RGS20: variants seen among roughly 807,000 people sequenced by gnomAD.
RGS20 encodes regulator of G protein signaling 20.
RGS20 carries 30 observed loss-of-function variants against 33.6 expected under a neutral mutation model. The ratio of observed to expected loss-of-function variants is 0.89; its 90% CI spans 0.67 to 1.21. RGS20 has a LOEUF of 1.21. RGS20 is among the 50% of genes most tolerant of loss of function. RGS20 has a pLI of 0.00. For missense variants in RGS20, 472 were observed against 502.4 expected, an observed-to-expected ratio of 0.94 and a Z score of 0.58; for synonymous variants, 208 against 197.9, an observed-to-expected ratio of 1.05 and a Z score of -0.43.
At chr8:53,857,451 C>A (rs1811702453) in intron 1 of RGS20, among the ~76,000 whole-genome samples, 1 of 152,102 alleles carries the variant, frequency 6.6e-6, no homozygotes, top group Admixed American at 6.6e-5. Flanking sequence ...TATTCAGCCT[C>A]TAAGCTCACA....
At chr8:53,943,520 C>T (rs1352178889) in intron 3 of RGS20, among the ~76,000 whole-genome samples, 6 of 152,124 alleles carry the variant, frequency 3.9e-5, no homozygotes, top group African/African-American at 1.4e-4. Flanking sequence ...TCCTAAAACA[C>T]AGCGAGCAAC....
chr8:53,921,966 G>A (rs1024445474), intron 2 of RGS20, among the ~76,000 whole-genome samples: 1 of 152,128 alleles, frequency 6.6e-6, no homozygotes, highest in Non-Finnish European at 1.5e-5. Context: ...AGAAGAATAT[G>A]TATTCCACTG....
intron 2 of RGS20, among the ~76,000 whole-genome samples, chr8:53,900,582 C>T (rs1251943597): frequency 6.6e-6 from 1 of 152,158 alleles, no homozygotes; most frequent in Non-Finnish European, 1.5e-5. Context: ...AAATAAGGCA[C>T]CAGAGTAGCA....
At chr8:53,946,966 T>A (rs1362946645) in intron 4 of RGS20, among the ~76,000 whole-genome samples, 2 of 151,438 alleles carry the variant, frequency 1.3e-5, no homozygotes, top group African/African-American at 4.8e-5. Context: ...CTAATCCCTT[T>A]GCTAATTGCA....
At chr8:53,919,517 T>C (rs1193384118) in intron 2 of RGS20, among the ~76,000 whole-genome samples, 1 of 152,086 alleles carries the variant, frequency 6.6e-6, no homozygotes, top group Non-Finnish European at 1.5e-5. Context: ...TATTTTTGTA[T>C]ATTTTTTTTG....
At chr8:53,910,331 A>G (rs1813317166) in intron 2 of RGS20, among the ~76,000 whole-genome samples, 2 of 152,158 alleles carry the variant, frequency 1.3e-5, no homozygotes, top group South Asian at 4.1e-4. Flanking sequence ...AGCAGATAAT[A>G]CATGAAAAGA....
In RGS20 at chr8:53,939,660, G is replaced by A. The variant is rs145171609; in HGVS notation, c.595G>A (p.Gly199Arg). 768 of 1,588,804 alleles carry A rather than the reference G, an allele frequency of 4.8e-4. 1 individual carries two copies. The highest frequency in any genetic ancestry group is 2.7e-3 in the Middle Eastern group (16 of 6,034). The change falls in exon 3 of 6, where the codon GGA becomes AGA. Residue 199 changes from glycine to arginine, a missense_variant. Physicochemically the swap from Gly to Arg is moderately radical, Grantham distance 125 (BLOSUM62 -2). Transcript: ENST00000297313. ...ACCAGGCGCCGCCCCAGGCCAGCCC[G>A]GAGCGGGGAGTCGCGGGTCCAACGC...
chr8:53,865,822 G>A (rs1032467139), intron 1 of RGS20, among the ~76,000 whole-genome samples: 3 of 152,128 alleles, frequency 2.0e-5, no homozygotes, highest in African/African-American at 7.2e-5. Flanking sequence ...TGGCCAGGCT[G>A]GTCTTGAACT....
At chr8:53,904,223 A>C (rs2129281624) in intron 2 of RGS20, among the ~76,000 whole-genome samples, 1 of 151,794 alleles carries the variant, frequency 6.6e-6, no homozygotes, top group East Asian at 1.9e-4. Context: ...CCCAGGTTCA[A>C]GTGATTCTCC....
intron 2 of RGS20, chr8:53,913,485 A>C (rs1436073681): frequency 6.6e-6 from 1 of 152,030 alleles, no homozygotes; most frequent in Admixed American, 6.6e-5. Flanking sequence ...ATATCACCTT[A>C]TTTGGAAACA....
At chr8:53,951,368 AG>A (rs1413903813) in intron 4 of RGS20, among the ~76,000 whole-genome samples, 1 of 152,162 alleles carries the variant, frequency 6.6e-6, no homozygotes, top group African/African-American at 2.4e-5. Flanking sequence ...GCGTGCCTGC[AG>A]TCCCAGCTGC....
At chr8:53,911,781 A>G (rs559852578) in intron 2 of RGS20, among the ~76,000 whole-genome samples, 28 of 152,190 alleles carry the variant, frequency 1.8e-4, no homozygotes, top group African/African-American at 6.7e-4. Context: ...TCTACTAAAA[A>G]TACAAAAAAA....
Position 53,911,016 on chromosome 8 carries a change from G to T in RGS20, c.511-28560G>T, listed in dbSNP as rs535282671. Among the ~76,000 whole-genome samples the T allele has an allele frequency of 1.9e-4, 29 of 152,256 alleles. No homozygotes were observed. In the South Asian group the frequency reaches 5.8e-3, roughly 30 times the overall value. On this transcript the variant is annotated intron_variant, in intron 2 of 5. Transcript: ENST00000297313. The stretch of plus-strand genomic sequence containing the variant: ...GAAATTAAAAATAAACTTTAAAAAG[G>T]CTGTGGATAAAAAATCTGAGCTGCA...
At chr8:53,905,986 T>C (rs942632481) in intron 2 of RGS20, among the ~76,000 whole-genome samples, 1 of 152,204 alleles carries the variant, frequency 6.6e-6, no homozygotes, top group Non-Finnish European at 1.5e-5. Context: ...CTCCCGTTCA[T>C]TCGACTTCCA....
At chr8:53,859,381 T>C (rs1449601264) in intron 1 of RGS20, among the ~76,000 whole-genome samples, 1 of 152,184 alleles carries the variant, frequency 6.6e-6, no homozygotes, top group Non-Finnish European at 1.5e-5. Flanking sequence ...AGCTTTAGTA[T>C]ACTGGTTTGT....
intron 3 of RGS20, among the ~76,000 whole-genome samples, chr8:53,945,672 T>G (rs1814453496): frequency 6.6e-6 from 1 of 152,112 alleles, no homozygotes. Context: ...TCCCAGCACT[T>G]TGGGAGGTCC....
chr8:53,859,622 G>A (rs1309057500), intron 1 of RGS20, among the ~76,000 whole-genome samples: 2 of 152,150 alleles, frequency 1.3e-5, no homozygotes, highest in East Asian at 1.9e-4. Context: ...ACTATATTGG[G>A]AAACTCAGGG....
intron 1 of RGS20, among the ~76,000 whole-genome samples, chr8:53,870,302 G>A (rs1812034866): frequency 6.6e-6 from 1 of 151,888 alleles, no homozygotes; most frequent in Non-Finnish European, 1.5e-5. Flanking sequence ...CCTTTACAAG[G>A]AACAAAGAGT....
At position 53,920,703 on chromosome 8, in the gene RGS20, C is replaced by G. The variant is rs535713431; in HGVS notation, c.511-18873C>G. On this transcript the variant is annotated intron_variant, in intron 2 of 5. Coordinates refer to ENST00000297313, the MANE Select transcript of RGS20 (RefSeq NM_170587.4). ...GACTTTGGTCAGGTTTAGGAAGCTT[C>G]CTTATATGCCAATTTTGCTGAATAT... is the stretch of plus-strand genomic sequence containing the variant. 3.3e-5 allele frequency among the ~76,000 whole-genome samples: 5 copies of G among 152,198 alleles called. No individual in the cohort carries two copies. In the South Asian group the frequency reaches 1.0e-3, roughly 32 times the overall value.
Sources: allele counts gnomAD v4.1 joint callset (sites outside exome capture counted in the v4.1 genomes callset), GRCh38; gene constraint gnomAD v4.1.1; transcripts MANE v1.5; gene names NCBI Gene and HGNC (gene_info 2026-07-23, HGNC 2026-07-21).